Variants in ASTN2 observed in about 807,000 individuals in gnomAD.
ASTN2 encodes the protein astrotactin-2.
Under a neutral mutation model 139.8 loss-of-function variants are expected in ASTN2, and 54 were observed. The ratio of observed to expected loss-of-function variants is 0.39; its 90% CI spans 0.31 to 0.48. The LOEUF is 0.48. Ranked by LOEUF, ASTN2 falls within the 20% of genes least tolerant of loss-of-function variation. The pLI, the probability that ASTN2 is intolerant of heterozygous loss-of-function variation, is 0.95. For synonymous variants in ASTN2, 756 were observed against 719.5 expected, an observed-to-expected ratio of 1.05 and a Z score of -0.81; for missense variants, 1,565 against 1,725.1, an observed-to-expected ratio of 0.91 and a Z score of 1.64.
chr9:116,893,075 C>CT (rs1833802174), intron 10 of ASTN2, among the ~76,000 whole-genome samples: 1 of 151,948 alleles, frequency 6.6e-6, no homozygotes, highest in Non-Finnish European at 1.5e-5. Flanking sequence ...TCTGATTCTT[C>CT]CCATTAGAAT....
intron 16 of ASTN2, among the ~76,000 whole-genome samples, chr9:116,662,990 A>T (rs1858651622): frequency 6.6e-6 from 1 of 152,202 alleles, no homozygotes; most frequent in African/African-American, 2.4e-5. Flanking sequence ...GATCATTAAT[A>T]GGAGAACGCC....
chr9:116,941,445 C>G (rs1264142155), intron 10 of ASTN2, among the ~76,000 whole-genome samples: 1 of 151,898 alleles, frequency 6.6e-6, no homozygotes, highest in East Asian at 1.9e-4. Context: ...CCAGGAAGAA[C>G]AGATGTCCTA....
chr9:117,039,972 A>G lies in ASTN2; in HGVS notation c.1277-7T>C. 6.2e-7 allele frequency: 1 copy of G among 1,607,746 alleles called. No individual in the cohort carries two copies. The highest frequency in any genetic ancestry group is 8.5e-7 in the Non-Finnish European group (1 of 1,176,458). On this transcript the variant is annotated splice_region_variant and splice_polypyrimidine_tract_variant and intron_variant, in intron 5 of 22. Transcript: ENST00000313400. ...ACTGGGCTTTTCAGCAAACCTGGTAACAAGAACATACACAAAGACACAAAA... is the reference window on the plus strand; with the variant it reads ...ACTGGGCTTTTCAGCAAACCTGGTAGCAAGAACATACACAAAGACACAAAA...
intron 2 of ASTN2, among the ~76,000 whole-genome samples, chr9:117,250,429 T>C (rs975230869): frequency 1.3e-5 from 2 of 152,254 alleles, no homozygotes; most frequent in Non-Finnish European, 2.9e-5. Flanking sequence ...TCATTTCCCT[T>C]GGGCAGGATA....
At chr9:117,180,957 G>A (rs1330517904) in intron 3 of ASTN2, 6 of 1,597,658 alleles carry the variant, frequency 3.8e-6, no homozygotes, top group South Asian at 2.2e-5. Context: ...CTTGGCCAAT[G>A]TGAACCCTGG....
chr9:117,081,832 G>A (rs939591294), intron 5 of ASTN2, among the ~76,000 whole-genome samples: 2 of 152,182 alleles, frequency 1.3e-5, no homozygotes, highest in Non-Finnish European at 2.9e-5. Flanking sequence ...ACAGCTGGCA[G>A]GAAAACAGGC....
intron 11 of ASTN2, among the ~76,000 whole-genome samples, chr9:116,847,577 A>C (rs1193904974): frequency 7.9e-5 from 12 of 152,222 alleles, no homozygotes; most frequent in Admixed American, 7.8e-4. Context: ...CTAACACTTA[A>C]TGGCACTTAT....
Position 116,733,478 on chromosome 9 carries a change from C to T in ASTN2, c.2442G>A (p.Leu814=), listed in dbSNP as rs1485100201. ...IKDFPQLADG[L]LVIPLPVEEQ... ...CCTCCACCGGCAGCGGGATCACCAACAGCCCATCGGCCAGCTGGGGAAAGT... is the reference window on the plus strand; with the variant it reads ...CCTCCACCGGCAGCGGGATCACCAATAGCCCATCGGCCAGCTGGGGAAAGT... Residue 814 remains leucine (L), a synonymous_variant, in exon 14 of 23, where the codon CTG becomes CTA. Transcript: ENST00000313400. 6.2e-7 allele frequency: 1 copy of T among 1,614,226 alleles called. No homozygotes were observed. The highest frequency in any genetic ancestry group is 1.1e-5 in the South Asian group (1 of 91,084).
chr9:117,188,572 G>A (rs1588055679), intron 3 of ASTN2, among the ~76,000 whole-genome samples: 1 of 152,074 alleles, frequency 6.6e-6, no homozygotes, highest in Non-Finnish European at 1.5e-5. Context: ...AGGAAACATC[G>A]TAGCTGGGAA....
chr9:117,380,191 C>T (rs956159383), intron 1 of ASTN2, among the ~76,000 whole-genome samples: 1 of 152,152 alleles, frequency 6.6e-6, no homozygotes, highest in African/African-American at 2.4e-5. Context: ...AAGGGTTCTA[C>T]CTTCCTTGAG....
At chr9:117,364,003 T>C (rs951916526) in intron 1 of ASTN2, among the ~76,000 whole-genome samples, 7 of 152,180 alleles carry the variant, frequency 4.6e-5, no homozygotes, top group Non-Finnish European at 1.0e-4. Flanking sequence ...AGTAGCATGA[T>C]AGTTTGGAAT....
intron 1 of ASTN2, among the ~76,000 whole-genome samples, chr9:117,351,581 C>A (rs1252398805): frequency 6.6e-6 from 1 of 152,172 alleles, no homozygotes; most frequent in African/African-American, 2.4e-5. Flanking sequence ...CCCTTCAAGT[C>A]TCTACAATTT....
In ASTN2 at chr9:116,425,462, GT is replaced by G; in HGVS notation, c.*388del. 1 of 1,135,664 alleles carries G rather than the reference GT, an allele frequency of 8.8e-7. No homozygotes were observed. Among genetic ancestry groups the G allele is most frequent in the South Asian group, 1.4e-5 (1 of 73,688 alleles). 70.3% of individuals were successfully genotyped at this position (1,135,664 alleles called of 1,614,324 possible). ...TCAGGTCAAAACTGTCCCTCCATAG[GT>G]CTCCTCCAGGGGTCCATGGCAGGAA... On this transcript the variant is annotated 3_prime_UTR_variant, in exon 23 of 23. Transcript: ENST00000313400.
At chr9:117,329,252 T>C (rs930142304) in intron 1 of ASTN2, among the ~76,000 whole-genome samples, 1 of 150,996 alleles carries the variant, frequency 6.6e-6, no homozygotes, top group Non-Finnish European at 1.5e-5. Flanking sequence ...TTTAAAATAA[T>C]TGAAACAAGA....
At chr9:116,928,128 C>A (rs1834806037) in intron 10 of ASTN2, among the ~76,000 whole-genome samples, 1 of 152,160 alleles carries the variant, frequency 6.6e-6, no homozygotes, top group Non-Finnish European at 1.5e-5. Flanking sequence ...AAAACAACGA[C>A]CATTTACTCA....
At chr9:117,122,883 C>CT (rs1829594030) in intron 4 of ASTN2, among the ~76,000 whole-genome samples, 1 of 152,120 alleles carries the variant, frequency 6.6e-6, no homozygotes, top group African/African-American at 2.4e-5. Flanking sequence ...GCTTACAAAG[C>CT]TTTTAACCCT....
intron 1 of ASTN2, among the ~76,000 whole-genome samples, chr9:117,356,059 C>G (rs1040708711): frequency 6.6e-6 from 1 of 152,098 alleles, no homozygotes; most frequent in Non-Finnish European, 1.5e-5. Flanking sequence ...TCCCCCAAAC[C>G]CTACTGAATT....
intron 3 of ASTN2, among the ~76,000 whole-genome samples, chr9:117,158,863 A>C (rs1478432382): frequency 6.6e-6 from 1 of 151,986 alleles, no homozygotes; most frequent in African/African-American, 2.4e-5. Flanking sequence ...TTGTGGTCTC[A>C]CTGCTTTTCT....
At chr9:116,948,241 G>A (rs1471944946) in intron 10 of ASTN2, among the ~76,000 whole-genome samples, 1 of 152,160 alleles carries the variant, frequency 6.6e-6, no homozygotes, top group Non-Finnish European at 1.5e-5. Flanking sequence ...AGTCCTTTGT[G>A]GGGAGGTACT....
Sources: allele counts gnomAD v4.1 joint callset (sites outside exome capture counted in the v4.1 genomes callset), GRCh38; gene constraint gnomAD v4.1.1; transcripts MANE v1.5; gene names NCBI Gene and HGNC (gene_info 2026-07-23, HGNC 2026-07-21).